The following RBFOX1 variants were observed in gnomAD, a reference collection of about 807,000 sequenced individuals.
RBFOX1 encodes the protein RNA binding protein fox-1 homolog 1.
Under a neutral mutation model 57.7 loss-of-function variants are expected in RBFOX1, and 8 were observed. That is an observed-to-expected ratio of 0.14 (90% CI 0.08 to 0.25). The LOEUF is 0.25. RBFOX1 is among the 10% of genes least tolerant of loss of function. The pLI, the probability that RBFOX1 is intolerant of heterozygous loss-of-function variation, is 1.00. For synonymous variants in RBFOX1, 326 were observed against 222.4 expected, an observed-to-expected ratio of 1.47 and a Z score of -4.15; for missense variants, 611 against 548.5, an observed-to-expected ratio of 1.11 and a Z score of -1.14.
chr16:6,290,001 C>A (rs1244293231), intron 1 of RBFOX1, among the ~76,000 whole-genome samples: 1 of 152,120 alleles, frequency 6.6e-6, no homozygotes, highest in Non-Finnish European at 1.5e-5. Context: ...GAAGAGGAAA[C>A]AAGATCATTA....
intron 3 of RBFOX1, among the ~76,000 whole-genome samples, chr16:6,671,223 C>G (rs116674292): frequency 0.015 from 2,309 of 152,246 alleles, 36 homozygotes; most frequent in African/African-American, 0.048. Context: ...TGGCAACAAC[C>G]TAAATGCTTA....
At chr16:6,667,585 G>C (rs1396947784) in intron 3 of RBFOX1, among the ~76,000 whole-genome samples, 2 of 152,112 alleles carry the variant, frequency 1.3e-5, no homozygotes, top group African/African-American at 4.8e-5. Context: ...GATGCACCTT[G>C]AATAACTGCA....
chr16:5,941,915 A>G (rs746013423), intron 4 of RBFOX1, among the ~76,000 whole-genome samples: 43 of 151,726 alleles, frequency 2.8e-4, no homozygotes, highest in Non-Finnish European at 4.9e-4. Context: ...TGTACCTGGT[A>G]TGAACTTTCT....
intron 4 of RBFOX1, among the ~76,000 whole-genome samples, chr16:7,218,678 G>GTGTGTGTGTGTGTGTGTT (rs2092467634): frequency 7.1e-6 from 1 of 141,768 alleles, no homozygotes; most frequent in Admixed American, 7.3e-5. Flanking sequence ...GTGTGTGTGT[G>GTGTGTGTGTGTGTGTGTT]TGTCCTTTTG....
intron 5 of RBFOX1, among the ~76,000 whole-genome samples, chr16:7,544,695 G>T (rs1193018152): frequency 1.3e-5 from 2 of 152,286 alleles, no homozygotes; most frequent in East Asian, 1.9e-4. Flanking sequence ...AACTGTGAGA[G>T]ATTACCTTTC....
chr16:6,340,414 A>G (rs1258791624), intron 2 of RBFOX1, among the ~76,000 whole-genome samples: 1 of 152,192 alleles, frequency 6.6e-6, no homozygotes, highest in African/African-American at 2.4e-5. Context: ...AAGTGAAAGA[A>G]AGTTTCTTAG....
chr16:6,543,768 T>G (rs1404295012), intron 2 of RBFOX1, among the ~76,000 whole-genome samples: 1 of 152,030 alleles, frequency 6.6e-6, no homozygotes, highest in Admixed American at 6.6e-5. Flanking sequence ...TTCTAAACAC[T>G]TAGTAAGACA....
At chr16:7,057,906 G>T (rs1471060529) in intron 4 of RBFOX1, among the ~76,000 whole-genome samples, 1 of 151,160 alleles carries the variant, frequency 6.6e-6, no homozygotes, top group African/African-American at 2.4e-5. Context: ...TACTCCGGAG[G>T]CTGAGGCAGG....
chr16:5,699,717 C>T (rs934208272), intron 3 of RBFOX1, among the ~76,000 whole-genome samples: 9 of 152,170 alleles, frequency 5.9e-5, no homozygotes, highest in African/African-American at 1.9e-4. Flanking sequence ...CACAGGACAG[C>T]TCTTCATTGT....
intron 4 of RBFOX1, among the ~76,000 whole-genome samples, chr16:5,906,057 C>T (rs968423283): frequency 3.9e-5 from 6 of 152,146 alleles, no homozygotes; most frequent in Non-Finnish European, 5.9e-5. Context: ...TGGGGGTAGT[C>T]GCTGCCCATG....
intron 3 of RBFOX1, among the ~76,000 whole-genome samples, chr16:6,682,593 A>T (rs1358081543): frequency 6.6e-6 from 1 of 152,014 alleles, no homozygotes; most frequent in Non-Finnish European, 1.5e-5. Flanking sequence ...GTGGGTGCTG[A>T]GCAGCAGTTC....
chr16:5,574,556 C>T lies in RBFOX1; in HGVS notation c.259-24346C>T, dbSNP rs148828997. On this transcript the variant is annotated intron_variant, in intron 2 of 2. Coordinates refer to the RBFOX1 transcript ENST00000585867. ...TCAGCCTCCCGAGTAGCTGGGATTA[C>T]GGTGCCTGCCACCACGCCCAGCAAT... Among the ~76,000 whole-genome samples, 1,181 of 152,040 alleles carry T rather than the reference C, an allele frequency of 7.8e-3. 7 individuals carry two copies. The highest frequency in any genetic ancestry group is 0.014 in the Non-Finnish European group (924 of 67,984).
chr16:5,549,925 T>G (rs2045389137), intron 2 of RBFOX1, among the ~76,000 whole-genome samples: 1 of 152,184 alleles, frequency 6.6e-6, no homozygotes, highest in Non-Finnish European at 1.5e-5. Context: ...GAACTGAGGT[T>G]GCTGGTAGAT....
chr16:6,067,274 G>C (rs186617432), intron 1 of RBFOX1, among the ~76,000 whole-genome samples: 1 of 152,040 alleles, frequency 6.6e-6, no homozygotes, highest in Non-Finnish European at 1.5e-5. Context: ...CCTGTTTTTC[G>C]TTCTGGGGCT....
At chr16:6,381,035 G>T (rs1473479295) in intron 2 of RBFOX1, among the ~76,000 whole-genome samples, 5 of 152,164 alleles carry the variant, frequency 3.3e-5, no homozygotes, top group Non-Finnish European at 7.3e-5. Context: ...AAGTATTTTA[G>T]GGGGCAGGTC....
chr16:6,813,693 A>G (rs867269488), intron 3 of RBFOX1, among the ~76,000 whole-genome samples: 2 of 152,224 alleles, frequency 1.3e-5, no homozygotes, highest in South Asian at 4.2e-4. Context: ...TCCAAGTCCC[A>G]TACTCTCTCA....
chr16:5,339,189 G>A (rs2064973253), intron 1 of RBFOX1, among the ~76,000 whole-genome samples: 1 of 151,988 alleles, frequency 6.6e-6, no homozygotes, highest in Admixed American at 6.6e-5. Context: ...TCTGGTAACC[G>A]CTGTCCTACT....
intron 13 of RBFOX1, among the ~76,000 whole-genome samples, chr16:7,665,532 C>G (rs2068983912): frequency 6.6e-6 from 1 of 152,064 alleles, no homozygotes; most frequent in African/African-American, 2.4e-5. Flanking sequence ...ATTCCATTTC[C>G]CCCAATTACC....
At chr16:7,333,162 G>A in intron 4 of RBFOX1, 3 of 1,420,866 alleles carry the variant, frequency 2.1e-6, no homozygotes, top group South Asian at 1.1e-5. Context: ...TTTTATGGTT[G>A]AGAAAGCAAA....
Sources: gnomAD v4.1 joint callset for allele counts (sites outside exome capture counted in the v4.1 genomes callset) on GRCh38, gnomAD v4.1.1 for gene constraint, MANE v1.5 for transcripts, NCBI Gene and HGNC (gene_info 2026-07-23, HGNC 2026-07-21) for gene names.